The following CLDN14 variants were observed in gnomAD, a reference collection of about 807,000 sequenced individuals.
CLDN14 encodes the protein claudin 14.
Under a neutral mutation model 2.1 loss-of-function variants are expected in CLDN14, and 2 were observed. That is an observed-to-expected ratio of 0.96 (90% CI 0.39 to 3.01). The LOEUF is 3.01. CLDN14 is among the 30% of genes most tolerant of loss of function. The pLI, the probability that CLDN14 is intolerant of heterozygous loss-of-function variation, is 0.09. For synonymous variants in CLDN14, 136 were observed against 154.4 expected (o/e 0.88, Z 0.88); for missense variants, 298 against 328.0 (o/e 0.91, Z 0.71).
chr21:36,519,724 C>CAA (rs1194207646), intron 1 of CLDN14, among the ~76,000 whole-genome samples: 20 of 92,678 alleles, frequency 2.2e-4, no homozygotes, highest in African/African-American at 6.1e-4. Flanking sequence ...ACAACAACAA[C>CAA]AACAACAACA....
chr21:36,481,018 G>A (rs1295995732), upstream of CLDN14: 5 of 152,158 alleles, frequency 3.3e-5, no homozygotes, highest in African/African-American at 1.2e-4. Flanking sequence ...AAATGTTATT[G>A]ATGGAGGATT....
At chr21:36,462,853 GGT>G (rs2086595610) in intron 1 of CLDN14, among the ~76,000 whole-genome samples, 1 of 151,350 alleles carries the variant, frequency 6.6e-6, no homozygotes, top group Admixed American at 6.6e-5. Context: ...GGAAGGCTGA[GGT>G]TGCAGTGAGC....
intron 1 of CLDN14, among the ~76,000 whole-genome samples, chr21:36,517,995 C>T (rs1390727159): frequency 6.6e-6 from 1 of 151,994 alleles, no homozygotes; most frequent in Non-Finnish European, 1.5e-5. Flanking sequence ...CTGTTGCCTA[C>T]CCCATCAGAT....
chr21:36,489,841 ATCCAAGCCCCAAGT>A (rs2086943380), intron 2 of CLDN14, among the ~76,000 whole-genome samples: 1 of 152,172 alleles, frequency 6.6e-6, no homozygotes, highest in Admixed American at 6.5e-5. Context: ...TGGGCCTCCC[ATCCAAGCCCCAAGT>A]TCTTTCCTCC....
At chr21:36,543,852 G>A (rs773797018) in intron 1 of CLDN14, among the ~76,000 whole-genome samples, 5 of 152,094 alleles carry the variant, frequency 3.3e-5, no homozygotes, top group Non-Finnish European at 7.4e-5. Context: ...CTTCTGACAC[G>A]TAAACAGCCA....
chr21:36,501,418 A>G (rs1338426560), intron 2 of CLDN14, among the ~76,000 whole-genome samples: 2 of 132,956 alleles, frequency 1.5e-5, no homozygotes, highest in African/African-American at 5.6e-5. Flanking sequence ...TGTAGAAACC[A>G]GGTTAAATCT....
intron 2 of CLDN14, among the ~76,000 whole-genome samples, chr21:36,507,021 G>T (rs2087139536): frequency 6.6e-6 from 1 of 152,078 alleles, no homozygotes; most frequent in African/African-American, 2.4e-5. Flanking sequence ...TACTCAGGAG[G>T]CTGAGGCAGA....
At chr21:36,470,422 G>C (rs1462582535) in intron 1 of CLDN14, among the ~76,000 whole-genome samples, 1 of 152,210 alleles carries the variant, frequency 6.6e-6, no homozygotes, top group African/African-American at 2.4e-5. Flanking sequence ...CCAAGTCAAG[G>C]AATGTGGAGG....
At chr21:36,495,741 A>G (rs552381497) in intron 2 of CLDN14, among the ~76,000 whole-genome samples, 1 of 152,268 alleles carries the variant, frequency 6.6e-6, no homozygotes, top group East Asian at 1.9e-4. Flanking sequence ...GTTCTTGTCC[A>G]CTCAGAACCT....
chr21:36,469,289 A>G (rs570144718), intron 1 of CLDN14, among the ~76,000 whole-genome samples: 1 of 148,418 alleles, frequency 6.7e-6, no homozygotes, highest in African/African-American at 2.5e-5. Context: ...TCTAAAAATA[A>G]TATTTTCTTC....
intron 2 of CLDN14, among the ~76,000 whole-genome samples, chr21:36,501,933 T>G (rs2087095357): frequency 6.6e-6 from 1 of 152,202 alleles, no homozygotes; most frequent in East Asian, 1.9e-4. Flanking sequence ...CTTTTTTTTT[T>G]TTTTAAATCA....
At chr21:36,491,919 G>A (rs1428827088) in intron 2 of CLDN14, among the ~76,000 whole-genome samples, 4 of 152,212 alleles carry the variant, frequency 2.6e-5, no homozygotes, top group East Asian at 1.9e-4. Context: ...AGTCCTTGAC[G>A]TGGGTTGAAT....
chr21:36,571,910 A>G (rs2087712577), intron 1 of CLDN14, among the ~76,000 whole-genome samples: 1 of 152,176 alleles, frequency 6.6e-6, no homozygotes, highest in African/African-American at 2.4e-5. Flanking sequence ...AATTATCACT[A>G]AAAGCATGGC....
intron 2 of CLDN14, chr21:36,486,145 ATCC>A (rs780640783): frequency 7.8e-6 from 10 of 1,281,526 alleles, no homozygotes; most frequent in East Asian, 2.3e-5. Flanking sequence ...CGTCGTAATC[ATCC>A]TCCTCCTTGG....
intron 1 of CLDN14, among the ~76,000 whole-genome samples, chr21:36,464,738 A>G (rs2086624364): frequency 6.6e-6 from 1 of 152,220 alleles, no homozygotes; most frequent in African/African-American, 2.4e-5. Context: ...CACATTTCCT[A>G]GTTTATTCCC....
At chr21:36,505,782 G>A (rs984119513) in intron 2 of CLDN14, among the ~76,000 whole-genome samples, 1 of 152,176 alleles carries the variant, frequency 6.6e-6, no homozygotes, top group Non-Finnish European at 1.5e-5. Context: ...CACACAGAGA[G>A]GTCCATTGTT....
chr21:36,541,186 C>T (rs1207176240), intron 1 of CLDN14, among the ~76,000 whole-genome samples: 2 of 152,194 alleles, frequency 1.3e-5, no homozygotes, highest in Non-Finnish European at 2.9e-5. Flanking sequence ...AAGAGTTCTT[C>T]ATCTTCTGCA....
intron 1 of CLDN14, among the ~76,000 whole-genome samples, chr21:36,473,956 C>G (rs1043910383): frequency 2.0e-5 from 3 of 152,182 alleles, no homozygotes; most frequent in Non-Finnish European, 4.4e-5. Context: ...GAAGTGGTCA[C>G]TGGATTAGCA....
intron 2 of CLDN14, among the ~76,000 whole-genome samples, chr21:36,488,279 C>CCTTCCTTCCTTCCTTCCT (rs1376525064): frequency 2.3e-5 from 1 of 42,810 alleles, no homozygotes; most frequent in South Asian, 6.4e-4. Context: ...CCTTCCCTCT[C>CCTTCCTTCCTTCCTTCCT]TCTTTCTTTT....
Sources: gnomAD v4.1 joint callset for allele counts (sites outside exome capture counted in the v4.1 genomes callset) on GRCh38, gnomAD v4.1.1 for gene constraint, MANE v1.5 for transcripts, NCBI Gene and HGNC (gene_info 2026-07-23, HGNC 2026-07-21) for gene names.